ATP13A4: variants seen among roughly 807,000 people sequenced by gnomAD.
ATP13A4 encodes probable cation-transporting ATPase 13A4.
A neutral mutation model predicts 142.5 loss-of-function variants in ATP13A4; 114 were observed. That is an observed-to-expected ratio of 0.80 (90% CI 0.69 to 0.93). The LOEUF (loss-of-function observed/expected upper bound fraction) is 0.93. Among genes scored for constraint, ATP13A4 ranks in the 40% least tolerant of loss-of-function variants. The pLI is 0.00. For synonymous variants in ATP13A4, 488 were observed against 514.8 expected (o/e 0.95, Z 0.70); for missense variants, 1,392 against 1,454.0 (o/e 0.96, Z 0.69).
intron 1 of ATP13A4, among the ~76,000 whole-genome samples, chr3:193,540,199 GA>G (rs1722810658): frequency 6.6e-6 from 1 of 152,008 alleles, no homozygotes; most frequent in Non-Finnish European, 1.5e-5. Context: ...TTTGCTGCAA[GA>G]GCCCTATTCA....
At chr3:193,558,991 T>A (rs907397953), upstream of ATP13A4, among the ~76,000 whole-genome samples, 1 of 152,208 alleles carries the variant, frequency 6.6e-6, no homozygotes, top group Non-Finnish European at 1.5e-5. Context: ...TCTCAACCTC[T>A]GTGATTGTCT....
chr3:193,474,667 GAAAAAGAAAGA>G (rs1276577555), intron 8 of ATP13A4, among the ~76,000 whole-genome samples: 3 of 137,838 alleles, frequency 2.2e-5, no homozygotes, highest in East Asian at 4.6e-4. Context: ...AAGAAAGAAA[GAAAAAGAAAGA>G]AAAAAGAAAG....
chr3:193,442,389 G>C lies in ATP13A4; in HGVS notation c.2316+4C>G. 1 of 1,613,308 alleles carries C rather than the reference G, an allele frequency of 6.2e-7. No homozygotes were observed. Among genetic ancestry groups the C allele is most frequent in the Middle Eastern group, 1.7e-4 (1 of 6,060 alleles). On this transcript the variant is annotated splice_donor_region_variant and intron_variant, in intron 19 of 29. Transcript: ENST00000342695. ...TGTGGCAGAAGGTCTGTGTTCAGGA[G>C]TACCTGATTCCCATACATAATGTGT...
At chr3:193,552,152 T>C (rs1054057648) in intron 1 of ATP13A4, among the ~76,000 whole-genome samples, 2 of 152,126 alleles carry the variant, frequency 1.3e-5, no homozygotes, top group African/African-American at 4.8e-5. Context: ...TTTTGTGTTT[T>C]TAGTAGAGAT....
intron 21 of ATP13A4, 108 bp downstream of exon 21, chr3:193,440,450 A>G: frequency 6.4e-7 from 1 of 1,568,880 alleles, no homozygotes; most frequent in Non-Finnish European, 8.7e-7. Context: ...CAGCCGAAGT[A>G]CGGACCACTG....
chr3:193,573,323 A>ATATATT (rs1724328890), intron 2 of ATP13A4, among the ~76,000 whole-genome samples: 1 of 141,814 alleles, frequency 7.1e-6, no homozygotes, highest in Admixed American at 7.1e-5. Flanking sequence ...ATATATATAT[A>ATATATT]TATAATTTGT....
At chr3:193,418,043 AC>A in intron 25 of ATP13A4, among the ~76,000 whole-genome samples, 1 of 131,920 alleles carries the variant, frequency 7.6e-6, no homozygotes, top group Non-Finnish European at 1.6e-5. Flanking sequence ...AATGGCGTGA[AC>A]CCGGGAGGCA....
chr3:193,425,063 AAAACCATAG>A (rs1289226937), intron 25 of ATP13A4, among the ~76,000 whole-genome samples: 1 of 150,392 alleles, frequency 6.6e-6, no homozygotes, highest in Non-Finnish European at 1.5e-5. Context: ...TTTCTCCAAA[AAAACCATAG>A]AAATAGGTAT....
chr3:193,502,346 T>A (rs1720597240), intron 3 of ATP13A4, 147 bp downstream of exon 3: 1 of 972,094 alleles, frequency 1.0e-6, no homozygotes, highest in African/African-American at 1.6e-5. Flanking sequence ...CAAGCTGAGA[T>A]TTGGACTGTC....
At chr3:193,497,604 A>G (rs150943414) in intron 3 of ATP13A4, among the ~76,000 whole-genome samples, 36 of 152,272 alleles carry the variant, frequency 2.4e-4, no homozygotes, top group Admixed American at 4.6e-4. Flanking sequence ...TGTCAAATAA[A>G]TATCTGCACT....
intron 1 of ATP13A4, among the ~76,000 whole-genome samples, chr3:193,528,103 T>G (rs1722110908): frequency 6.6e-6 from 1 of 152,216 alleles, no homozygotes; most frequent in Non-Finnish European, 1.5e-5. Flanking sequence ...ACAAATGGTT[T>G]CTGTTGCACC....
chr3:193,464,731 T>G (rs1370384566), intron 12 of ATP13A4, among the ~76,000 whole-genome samples: 1 of 152,044 alleles, frequency 6.6e-6, no homozygotes. Flanking sequence ...CCAAAAAGAT[T>G]CTCCTATTTA....
chr3:193,512,638 A>G (rs1270442135), intron 2 of ATP13A4, among the ~76,000 whole-genome samples: 2 of 152,190 alleles, frequency 1.3e-5, no homozygotes, highest in African/African-American at 2.4e-5. Flanking sequence ...AATGAACTAG[A>G]ATCTCTGGGA....
intron 21 of ATP13A4, among the ~76,000 whole-genome samples, 189 bp from the exon 22 acceptor site, chr3:193,439,254 C>T (rs747121667): frequency 4.6e-5 from 7 of 152,086 alleles, no homozygotes; most frequent in African/African-American, 1.4e-4. Context: ...AAATTCAGAA[C>T]GTGATTCCTG....
intron 1 of ATP13A4, among the ~76,000 whole-genome samples, chr3:193,522,764 G>A (rs751636165): frequency 6.6e-6 from 1 of 152,188 alleles, no homozygotes; most frequent in Non-Finnish European, 1.5e-5. Flanking sequence ...ATAGGCAAGA[G>A]GGACTCCACC....
intron 18 of ATP13A4, among the ~76,000 whole-genome samples, chr3:193,446,556 C>T (rs904301197): frequency 6.6e-6 from 1 of 152,096 alleles, no homozygotes; most frequent in African/African-American, 2.4e-5. Flanking sequence ...CAAGGGGTTG[C>T]GTATTTGGTG....
At chr3:193,501,798 T>C (rs951971626) in intron 3 of ATP13A4, among the ~76,000 whole-genome samples, 1 of 152,072 alleles carries the variant, frequency 6.6e-6, no homozygotes, top group African/African-American at 2.4e-5. Context: ...GCAGAACTAA[T>C]TTAATAGGGT....
At chr3:193,534,396 C>T (rs1199877538) in intron 1 of ATP13A4, among the ~76,000 whole-genome samples, 1 of 151,876 alleles carries the variant, frequency 6.6e-6, no homozygotes, top group African/African-American at 2.4e-5. Context: ...TCAATAGATG[C>T]CAACACCAAG....
At chr3:193,534,722 G>C (rs1250234298) in intron 1 of ATP13A4, among the ~76,000 whole-genome samples, 2 of 152,012 alleles carry the variant, frequency 1.3e-5, no homozygotes, top group Admixed American at 6.6e-5. Context: ...GCACCTCAGA[G>C]GTCTGTGAGA....
Sources: gnomAD v4.1 joint callset for allele counts (sites outside exome capture counted in the v4.1 genomes callset) on GRCh38, gnomAD v4.1.1 for gene constraint, MANE v1.5 for transcripts, NCBI Gene and HGNC (gene_info 2026-07-23, HGNC 2026-07-21) for gene names.